The following KLHL17 variants were observed in gnomAD, a reference collection of about 807,000 sequenced individuals.
KLHL17 encodes the protein kelch-like protein 17.
KLHL17 carries 71 observed loss-of-function variants against 64.6 expected under a neutral mutation model. That is an observed-to-expected ratio of 1.10 (90% CI 0.91 to 1.34). The LOEUF (loss-of-function observed/expected upper bound fraction) is 1.34. Ranked by LOEUF, KLHL17 falls within the 40% of genes most tolerant of loss-of-function variation. The pLI, the probability that KLHL17 is intolerant of heterozygous loss-of-function variation, is 0.00. For synonymous variants in KLHL17, 612 were observed against 405.4 expected (o/e 1.51, Z -6.12); for missense variants, 1,140 against 935.0 (o/e 1.22, Z -2.86).
At chr1:963,732 T>C (rs1642762459) in intron 8 of KLHL17, 188 bp from the exon 9 acceptor site, 1 of 822,048 alleles carries the variant, frequency 1.2e-6, no homozygotes, top group Non-Finnish European at 1.9e-6. Flanking sequence ...CCCAGGTGGG[T>C]GTGCACCCAG....
Position 961,936 on chromosome 1 carries a change from T to C in KLHL17, c.600T>C (p.Phe200=). The change falls in exon 4 of 12, where the codon TTT becomes TTC. Residue 200 remains phenylalanine, a synonymous_variant. Coordinates refer to ENST00000338591, the MANE Select transcript of KLHL17 (RefSeq NM_198317.3). Reference sequence around the variant, plus strand: ...CCAACTGCCTGGGTATCCGGGGCTTTGCCGATGCGCACTCCTGCAGCGACC... The same window carrying C: ...CCAACTGCCTGGGTATCCGGGGCTTCGCCGATGCGCACTCCTGCAGCGACC... The part of the protein sequence containing the change: ...DPSNCLGIRG[F]ADAHSCSDLL... 1 of 1,612,940 alleles carries C rather than the reference T, an allele frequency of 6.2e-7. No homozygotes were observed. The highest frequency in any genetic ancestry group is 8.5e-7 in the Non-Finnish European group (1 of 1,180,010).
intron 2 of KLHL17, 33 bp downstream of exon 2, chr1:961,585 C>G: frequency 6.2e-7 from 1 of 1,612,714 alleles, no homozygotes; most frequent in South Asian, 1.1e-5. Flanking sequence ...CTGGGGGCTC[C>G]GTGGGTCCCT....
At chr1:963,054 T>G (rs1461762997) in intron 6 of KLHL17, 55 bp from the exon 7 acceptor site, 1 of 1,590,868 alleles carries the variant, frequency 6.3e-7, no homozygotes. Flanking sequence ...GAGCCTGGGG[T>G]GTGGCCCAGC....
Position 965,560 on chromosome 1 carries a change from C to CTTTTTTA in KLHL17, c.*369_*370insTTTTTTA. 3.6e-6 allele frequency: 1 copy of CTTTTTTA among 281,234 alleles called. No individual in the cohort carries two copies. Among genetic ancestry groups the CTTTTTTA allele is most frequent in the Non-Finnish European group, 6.7e-6 (1 of 149,512 alleles). 17.4% of individuals were successfully genotyped at this position (281,234 alleles called of 1,614,324 possible). A position where few individuals can be genotyped will look rare whatever the true frequency, so the allele number is the denominator to read the frequency against. On this transcript the variant is annotated 3_prime_UTR_variant, in exon 12 of 12. Transcript: ENST00000338591. ...TGCAGACCCCAGCTCGAATTTTGCA[C>CTTTTTTA]ATGGCGGGGTCCCGGGAAGGGTGGG...
At position 965,278 on chromosome 1, in the gene KLHL17, C is replaced by A; in HGVS notation, c.*87C>A. On this transcript the variant is annotated 3_prime_UTR_variant, in exon 12 of 12. Transcript: ENST00000338591. ...AGGGACGTCCTGCGCCATCCGTTCA[C>A]GTCTCTGCATCCATTCCTTCATGTC... 1 of 992,354 alleles carries A rather than the reference C, an allele frequency of 1.0e-6. No individual in the cohort carries two copies. Among genetic ancestry groups the A allele is most frequent in the Non-Finnish European group, 1.5e-6 (1 of 662,240 alleles). 61.5% of individuals were successfully genotyped at this position (992,354 alleles called of 1,614,324 possible). A position where few individuals can be genotyped will look rare whatever the true frequency, so the allele number is the denominator to read the frequency against.
At chr1:960,864 G>T in intron 1 of KLHL17, 64 bp downstream of exon 1, 1 of 969,566 alleles carries the variant, frequency 1.0e-6, no homozygotes, top group Non-Finnish European at 1.2e-6. Context: ...CCGCCCTCGC[G>T]TCCGCTCGCA....
rs767455353 is a variant in KLHL17, at chr1:963,977, C to T, written c.1413C>T (p.Thr471=). 9.3e-6 allele frequency: 15 copies of T among 1,612,492 alleles called. No homozygotes were observed. The Admixed American group carries it at 2.2e-4, about 23-fold the overall frequency. Residue 471 remains threonine, a synonymous_variant, in exon 9 of 12, where the codon ACC becomes ACT. Coordinates refer to ENST00000338591, the MANE Select transcript of KLHL17 (RefSeq NM_198317.3). ...GGACGTCCGTCGCTGCCATGAGCAC[C>T]CGGAGGCGCTATGTGCGAGTGGCCA... The part of the protein sequence containing the change: ...GTWTSVAAMS[T]RRRYVRVATL...
intron 5 of KLHL17, 96 bp downstream of exon 5, chr1:962,567 T>A: frequency 6.5e-7 from 1 of 1,540,466 alleles, no homozygotes; most frequent in Non-Finnish European, 8.7e-7. Context: ...GTTCAGGGAC[T>A]CCGTGGGGGT....
At position 963,440 on chromosome 1, in the gene KLHL17, G is replaced by A. The variant is rs1642751151; in HGVS notation, c.1291G>A (p.Val431Met). 19 of 1,612,552 alleles carry A rather than the reference G, an allele frequency of 1.2e-5. No individual in the cohort carries two copies. The highest frequency in any genetic ancestry group is 1.5e-5 in the Non-Finnish European group (18 of 1,179,898). The part of the protein sequence containing the change: ...SMGTRRSCLG[V>M]AALHGLLYSA... ...GGGCACAAGGCGAAGCTGCCTGGGT[G>A]TGGCCGCCTTGCATGGACTCCTGTA... Residue 431 changes from valine (V) to methionine (M), a missense_variant, in exon 8 of 12, where the codon GTG becomes ATG. Val to Met is a conservative substitution (Grantham distance 21, BLOSUM62 1). Transcript: ENST00000338591.
At chr1:964,256 C>T (rs868001066) in intron 10 of KLHL17, 76 bp downstream of exon 10, 9 of 1,597,582 alleles carry the variant, frequency 5.6e-6, no homozygotes, top group African/African-American at 2.7e-5. Flanking sequence ...CCCACATCCC[C>T]CCCATTCCTG....
At position 961,970 on chromosome 1, in the gene KLHL17, G is replaced by A. The variant is rs770959542; in HGVS notation, c.634G>A (p.Ala212Thr). The A allele has an allele frequency of 4.3e-6, 7 of 1,612,810 alleles. No individual in the cohort carries two copies. The highest frequency in any genetic ancestry group is 5.9e-6 in the Non-Finnish European group (7 of 1,180,020). Residue 212 changes from alanine (A) to threonine (T), a missense_variant, in exon 4 of 12, where the codon GCC (alanine) becomes ACC (threonine). Ala to Thr is a moderately conservative substitution (Grantham distance 58, BLOSUM62 0). Coordinates refer to ENST00000338591, the MANE Select transcript of KLHL17 (RefSeq NM_198317.3). The stretch of plus-strand genomic sequence containing the variant: ...GCACTCCTGCAGCGACCTGCTCAAG[G>A]CCGCCCACAGGTACGTGCTGCAGCA... Reference protein sequence around the residue: ...DAHSCSDLLKAAHRYVLQHFV... With the variant: ...DAHSCSDLLKTAHRYVLQHFV...
At chr1:963,527 T>C (rs756004059) in intron 8 of KLHL17, 23 bp downstream of exon 8, 1 of 1,595,246 alleles carries the variant, frequency 6.3e-7, no homozygotes, top group Non-Finnish European at 8.5e-7. Context: ...GGGGCCCCAG[T>C]GGCTTTGTAC....
rs1349989068 is a variant in KLHL17 at position 964,467 on chromosome 1, C to T, written c.1637C>T (p.Ser546Leu). ...AACGACGGCACCAGCTGCCTCAACT[C>T]GGTAGAGAGATACAGTCCAAAGGCT... The part of the protein sequence containing the change: ...GGNDGTSCLN[S>L]VERYSPKAGA... The change falls in exon 11 of 12, where the codon TCG (serine) becomes TTG (leucine). Residue 546 changes from serine to leucine, a missense_variant. Physicochemically the swap from Ser to Leu is moderately radical, Grantham distance 145 (BLOSUM62 -2). Coordinates refer to ENST00000338591, the MANE Select transcript of KLHL17 (RefSeq NM_198317.3). 1.9e-6 allele frequency: 3 copies of T among 1,545,174 alleles called. No individual in the cohort carries two copies. The highest frequency in any genetic ancestry group is 2.4e-5 in the East Asian group (1 of 40,870).
chr1:962,005 C>G lies in KLHL17; in HGVS notation c.669C>G (p.Asp223Glu). ...GGTACGTGCTGCAGCACTTCGTGGA[C>G]GTGGCCAAGACCGAGGAGTTTATGC... ...AHRYVLQHFV[D>E]VAKTEEFMLL... The change falls in exon 4 of 12, where the codon GAC becomes GAG. Residue 223 changes from aspartate (D) to glutamate (E), a missense_variant. By Grantham distance (45) the Asp-to-Glu change is conservative. Transcript: ENST00000338591. The G allele has an allele frequency of 6.2e-7, 1 of 1,612,890 alleles. No homozygotes were observed. The highest frequency in any genetic ancestry group is 8.5e-7 in the Non-Finnish European group (1 of 1,180,014).
At position 960,772 on chromosome 1, in the gene KLHL17, C is replaced by A; in HGVS notation, c.79C>A (p.Pro27Thr). Residue 27 changes from proline to threonine, a missense_variant, in exon 1 of 12, where the codon CCG becomes ACG. Transcript: ENST00000338591. ...CAGCCCGGGGCCCGGGCCCGAGGCGCCGCCGCCTCCACCGCCGCAGCCGCC... is the reference window on the plus strand; with the variant it reads ...CAGCCCGGGGCCCGGGCCCGAGGCGACGCCGCCTCCACCGCCGCAGCCGCC... ...HGSPGPGPEA[P>T]PPPPPQPPAP... 4 of 1,119,168 alleles carry A rather than the reference C, an allele frequency of 3.6e-6. No individual in the cohort carries two copies. The highest frequency in any genetic ancestry group is 4.4e-6 in the Non-Finnish European group (4 of 914,006). 69.3% of individuals were successfully genotyped at this position (1,119,168 alleles called of 1,614,324 possible).
At position 965,637 on chromosome 1, in the gene KLHL17, T is replaced by C; in HGVS notation, c.*446T>C. 5.1e-6 allele frequency: 1 copy of C among 196,472 alleles called. No homozygotes were observed. The highest frequency in any genetic ancestry group is 5.4e-5 in the Admixed American group (1 of 18,486). 12.2% of individuals were successfully genotyped at this position (196,472 alleles called of 1,614,324 possible). ...TGCCGTGTGCCATCTTTCCTGGATC[T>C]TGTAGTGGGTGCACACGCGTGCACT... On this transcript the variant is annotated 3_prime_UTR_variant, in exon 12 of 12. Coordinates refer to ENST00000338591, the MANE Select transcript of KLHL17 (RefSeq NM_198317.3).
chr1:961,194 C>G (rs901022994), intron 1 of KLHL17, 99 bp from the exon 2 acceptor site: 2 of 928,148 alleles, frequency 2.2e-6, no homozygotes, highest in Non-Finnish European at 1.4e-6. Flanking sequence ...CCCGTCGCAC[C>G]AGGGGCTGGG....
chr1:960,936 C>G, intron 1 of KLHL17, 136 bp downstream of exon 1: 1 of 638,548 alleles, frequency 1.6e-6, no homozygotes, highest in African/African-American at 2.0e-5. Flanking sequence ...GGAGCGGGGT[C>G]GGCCCGGAGT....
In KLHL17 at chr1:962,019, A is replaced by T. The variant is rs1642677979; in HGVS notation, c.683A>T (p.Glu228Val). ...CACTTCGTGGACGTGGCCAAGACCG[A>T]GGAGTTTATGCTGCTGCCCCTGAAA... Reference protein sequence around the residue: ...LQHFVDVAKTEEFMLLPLKQV... With the variant: ...LQHFVDVAKTVEFMLLPLKQV... The change falls in exon 4 of 12, where the codon GAG becomes GTG. Residue 228 changes from glutamate (E) to valine (V), a missense_variant. By Grantham distance (121) the Glu-to-Val change is moderately radical. Transcript: ENST00000338591. The T allele has an allele frequency of 6.2e-7, 1 of 1,612,820 alleles. No individual in the cohort carries two copies. The highest frequency in any genetic ancestry group is 8.5e-7 in the Non-Finnish European group (1 of 1,179,984).
Sources: gnomAD v4.1 joint callset for allele counts on GRCh38, gnomAD v4.1.1 for gene constraint, MANE v1.5 for transcripts, NCBI Gene and HGNC (gene_info 2026-07-23, HGNC 2026-07-21) for gene names.